CPED1: variants seen among roughly 807,000 people sequenced by gnomAD.
CPED1 encodes cadherin-like and PC-esterase domain-containing protein 1.
In CPED1, 114 loss-of-function variants were observed where a neutral mutation model predicts 128.2. That is an observed-to-expected ratio of 0.89 (90% CI 0.76 to 1.04). The LOEUF (loss-of-function observed/expected upper bound fraction) is 1.04. Among genes scored for constraint, CPED1 ranks in the 50% least tolerant of loss-of-function variants. The pLI, the probability that CPED1 is intolerant of heterozygous loss-of-function variation, is 0.00. For missense variants in CPED1, 1,211 were observed against 1,207.1 expected, an observed-to-expected ratio of 1.00 and a Z score of -0.05; for synonymous variants, 462 against 426.7, an observed-to-expected ratio of 1.08 and a Z score of -1.02.
intron 4 of CPED1, among the ~76,000 whole-genome samples, chr7:121,059,656 T>G (rs191547168): frequency 9.7e-4 from 147 of 151,638 alleles, no homozygotes; most frequent in African/African-American, 3.1e-3. Flanking sequence ...GTTTTTTAAT[T>G]TATAAGCACT....
At chr7:121,136,497 G>A (rs1459218178) in intron 14 of CPED1, among the ~76,000 whole-genome samples, 1 of 152,066 alleles carries the variant, frequency 6.6e-6, no homozygotes, top group Admixed American at 6.6e-5. Context: ...TAACAGTTGA[G>A]AGTTTTTAAG....
intron 13 of CPED1, among the ~76,000 whole-genome samples, chr7:121,135,772 C>T (rs985607384): frequency 2.0e-5 from 3 of 151,882 alleles, no homozygotes; most frequent in African/African-American, 7.3e-5. Flanking sequence ...CTATAAGGAA[C>T]CTTGGCTGAT....
At chr7:121,196,927 C>T (rs1390727441) in intron 16 of CPED1, among the ~76,000 whole-genome samples, 1 of 151,892 alleles carries the variant, frequency 6.6e-6, no homozygotes, top group African/African-American at 2.4e-5. Flanking sequence ...ATTTGGTTGC[C>T]ATTACTGGAC....
At chr7:121,094,963 T>C (rs1018298158) in intron 5 of CPED1, among the ~76,000 whole-genome samples, 1 of 152,178 alleles carries the variant, frequency 6.6e-6, no homozygotes, top group Non-Finnish European at 1.5e-5. Flanking sequence ...CACCATATGG[T>C]ATTTCACATT....
In CPED1 at chr7:121,295,426, C is replaced by G; in HGVS notation, c.2869-14C>G. 1 of 1,601,954 alleles carries G rather than the reference C, an allele frequency of 6.2e-7. No individual in the cohort carries two copies. The highest frequency in any genetic ancestry group is 8.5e-7 in the Non-Finnish European group (1 of 1,173,910). ...TTGATTTTGCCTCACAGTTTTCTTG[C>G]TCTTCATTTACAGGTAGTGAAATCA... On this transcript the variant is annotated splice_polypyrimidine_tract_variant and intron_variant, in intron 22 of 22. Transcript: ENST00000310396.
chr7:121,251,660 C>T (rs1460081895), intron 18 of CPED1, among the ~76,000 whole-genome samples: 4 of 152,030 alleles, frequency 2.6e-5, no homozygotes, highest in African/African-American at 7.2e-5. Context: ...CAAACATTCT[C>T]GTACACCAAT....
intron 16 of CPED1, among the ~76,000 whole-genome samples, chr7:121,224,265 G>A (rs142482920): frequency 0.021 from 3,147 of 152,132 alleles, 96 homozygotes; most frequent in African/African-American, 0.072. Flanking sequence ...GTAGTTGTGC[G>A]GTTTTGAGTG....
intron 18 of CPED1, among the ~76,000 whole-genome samples, chr7:121,250,739 A>G (rs1409104307): frequency 3.9e-5 from 6 of 152,186 alleles, no homozygotes; most frequent in African/African-American, 1.4e-4. Context: ...AAATTCCTCA[A>G]CACATACACC....
At chr7:121,273,957 A>G (rs1216241701) in intron 22 of CPED1, among the ~76,000 whole-genome samples, 4 of 152,178 alleles carry the variant, frequency 2.6e-5, no homozygotes, top group Non-Finnish European at 5.9e-5. Flanking sequence ...TGCCAAACCC[A>G]CAGAAAACAG....
chr7:121,283,938 T>C (rs1396810010), intron 22 of CPED1, among the ~76,000 whole-genome samples: 3 of 152,210 alleles, frequency 2.0e-5, no homozygotes, highest in African/African-American at 7.2e-5. Context: ...AACACTTTTT[T>C]CAGCAGTTAC....
At chr7:121,089,378 TTAAC>T (rs1402193329) in intron 5 of CPED1, among the ~76,000 whole-genome samples, 4 of 152,160 alleles carry the variant, frequency 2.6e-5, no homozygotes, top group African/African-American at 9.7e-5. Flanking sequence ...TAGAGGTAAA[TTAAC>T]AGGAATATTG....
chr7:121,139,561 A>C (rs900474178), intron 14 of CPED1, among the ~76,000 whole-genome samples: 6 of 152,104 alleles, frequency 3.9e-5, no homozygotes, highest in African/African-American at 1.4e-4. Flanking sequence ...GGTCTTGTTG[A>C]AGCACAAAGA....
intron 2 of CPED1, among the ~76,000 whole-genome samples, chr7:120,999,657 A>G (rs1333953739): frequency 6.6e-6 from 1 of 152,182 alleles, no homozygotes; most frequent in Non-Finnish European, 1.5e-5. Context: ...GGCTCTCAAG[A>G]GATGTTATCA....
At chr7:121,181,643 T>C (rs1370834010) in intron 16 of CPED1, among the ~76,000 whole-genome samples, 1 of 152,082 alleles carries the variant, frequency 6.6e-6, no homozygotes, top group East Asian at 1.9e-4. Flanking sequence ...ATATTAAAAG[T>C]TTGCAAATAT....
rs978405709 is a variant in CPED1, at chr7:121,038,913, G to T, written c.434-7974G>T. 1.1e-4 allele frequency among the ~76,000 whole-genome samples: 17 copies of T among 152,094 alleles called. No individual in the cohort carries two copies. The South Asian group carries it at 1.9e-3, about 17-fold the overall frequency. ...CATCATCCTTATCATGTCATGTCAAGAGTTTGTACTACCCACATGACTTAG... is the reference window on the plus strand; with the variant it reads ...CATCATCCTTATCATGTCATGTCAATAGTTTGTACTACCCACATGACTTAG... On this transcript the variant is annotated intron_variant, in intron 3 of 22. Transcript: ENST00000310396.
intron 7 of CPED1, among the ~76,000 whole-genome samples, chr7:121,107,016 GT>G (rs1441306440): frequency 6.6e-6 from 1 of 152,020 alleles, no homozygotes. Context: ...TAATTTTTTA[GT>G]TTCTTATTAT....
At chr7:121,248,682 G>C (rs914607498) in intron 18 of CPED1, among the ~76,000 whole-genome samples, 11 of 148,664 alleles carry the variant, frequency 7.4e-5, no homozygotes, top group African/African-American at 2.5e-4. Context: ...ATAAAGCCAA[G>C]TGACTATACT....
rs34007948 is a variant in CPED1, at chr7:121,117,077, T to TTATATATATATA, written c.919-7243_919-7232dup. ...CACACATTTTATATATATATACACA[T>TTATATATATATA]TATATATATATATATATATATAAAT... On this transcript the variant is annotated intron_variant, in intron 7 of 22. Coordinates refer to ENST00000310396, the MANE Select transcript of CPED1 (RefSeq NM_024913.5). 6.9e-3 allele frequency among the ~76,000 whole-genome samples: 891 copies of TTATATATATATA among 128,712 alleles called. 5 individuals are homozygous for TTATATATATATA. The highest frequency in any genetic ancestry group is 0.023 in the Middle Eastern group (6 of 258). The allele number at this position is 128,712 out of a possible 152,430, so 84.4% of individuals were successfully genotyped here. A position where few individuals can be genotyped will look rare whatever the true frequency, so the allele number is the denominator to read the frequency against.
At chr7:121,086,936 C>G (rs1794438828) in intron 5 of CPED1, among the ~76,000 whole-genome samples, 1 of 152,250 alleles carries the variant, frequency 6.6e-6, no homozygotes, top group South Asian at 2.1e-4. Flanking sequence ...TCTTCACTGG[C>G]TGACCTCAGA....
Sources: allele counts gnomAD v4.1 joint callset (sites outside exome capture counted in the v4.1 genomes callset), GRCh38; gene constraint gnomAD v4.1.1; transcripts MANE v1.5; gene names NCBI Gene and HGNC (gene_info 2026-07-23, HGNC 2026-07-21).